The following PCDHA3 variants were observed in gnomAD, a reference collection of about 807,000 sequenced individuals.
The protein encoded by PCDHA3 is protocadherin alpha 3.
In PCDHA3, 41 loss-of-function variants were observed where a neutral mutation model predicts 62.2. The observed-to-expected ratio is 0.66, with a 90% CI of 0.51 to 0.86. PCDHA3 has a LOEUF of 0.86. PCDHA3 is among the 40% of genes least tolerant of loss of function. The probability of loss-of-function intolerance (pLI) is 0.00; values close to 1 mark genes in which losing one functional copy is unlikely to be tolerated. For synonymous variants in PCDHA3, 640 were observed against 555.4 expected, an observed-to-expected ratio of 1.15 and a Z score of -2.14; for missense variants, 1,304 against 1,241.2, an observed-to-expected ratio of 1.05 and a Z score of -0.76.
chr5:140,830,936 T>C (rs1771298831), intron 1 of PCDHA3: 1 of 152,346 alleles, frequency 6.6e-6, no homozygotes, highest in South Asian at 2.1e-4. Context: ...TGTCGACACT[T>C]TTATTAAGCT....
intron 1 of PCDHA3, 106 bp downstream of exon 1, chr5:140,803,697 C>T (rs1763265510): frequency 1.3e-6 from 2 of 1,533,220 alleles, no homozygotes; most frequent in African/African-American, 2.8e-5. Flanking sequence ...TTATGTGATT[C>T]ATAATTAGAC....
chr5:140,807,062 G>A, intron 1 of PCDHA3: 1 of 1,115,782 alleles, frequency 9.0e-7, no homozygotes, highest in Non-Finnish European at 1.3e-6. Flanking sequence ...CTTACTGGAA[G>A]GAACCATATA....
intron 1 of PCDHA3, chr5:140,828,310 C>A (rs2150153849): frequency 1.9e-5 from 31 of 1,614,056 alleles, no homozygotes; most frequent in South Asian, 6.6e-5. Flanking sequence ...ACCGCGAGGA[C>A]CTTCTGGAGG....
intron 1 of PCDHA3, chr5:140,817,435 G>C (rs1554127267): frequency 6.6e-6 from 1 of 152,150 alleles, no homozygotes; most frequent in East Asian, 1.9e-4. Flanking sequence ...GGAGGGTCTG[G>C]GGATTCCTAT....
rs2098419589 is a variant in PCDHA3 at position 141,011,142 on chromosome 5, C to A, written c.*1205C>A. 1 of 153,660 alleles carries A rather than the reference C, an allele frequency of 6.5e-6. No individual in the cohort carries two copies. The highest frequency in any genetic ancestry group is 2.1e-4 in the South Asian group (1 of 4,820). 9.5% of individuals were successfully genotyped at this position (153,660 alleles called of 1,614,324 possible). On this transcript the variant is annotated 3_prime_UTR_variant, in exon 4 of 4. Transcript: ENST00000522353. ...CAATTATGTGCACTTTGATACACAA[C>A]CTTCTCTAACCAACTATATATCAAG...
chr5:140,872,356 G>C (rs2053615726), intron 1 of PCDHA3, among the ~76,000 whole-genome samples: 1 of 152,160 alleles, frequency 6.6e-6, no homozygotes, highest in African/African-American at 2.4e-5. Flanking sequence ...GCCAGGCAAA[G>C]TGGTTCAGGC....
At chr5:140,854,190 A>G (rs2043033379) in intron 1 of PCDHA3, 1 of 648,948 alleles carries the variant, frequency 1.5e-6, no homozygotes, top group Non-Finnish European at 1.9e-6. Context: ...TAGTTTAACT[A>G]CTCCCTACTT....
In PCDHA3 at chr5:140,824,269, A is replaced by C. The variant is rs2150133814; in HGVS notation, c.2394+20678A>C. On this transcript the variant is annotated intron_variant, in intron 1 of 3. Coordinates refer to ENST00000522353, the MANE Select transcript of PCDHA3 (RefSeq NM_018906.3). ...ACACAATTATTGCACTAATTCATGTATTATATGCTTTTTATGAGGCTTTTC... is the reference window on the plus strand; with the variant it reads ...ACACAATTATTGCACTAATTCATGTCTTATATGCTTTTTATGAGGCTTTTC... 2.5e-6 allele frequency: 3 copies of C among 1,222,710 alleles called. No individual in the cohort carries two copies. The South Asian group carries it at 4.2e-5, about 17-fold the overall frequency. The allele number at this position is 1,222,710 out of a possible 1,614,324, so 75.7% of individuals were successfully genotyped here.
At chr5:140,818,063 C>A (rs1766273892) in intron 1 of PCDHA3, among the ~76,000 whole-genome samples, 1 of 152,130 alleles carries the variant, frequency 6.6e-6, no homozygotes, top group Admixed American at 6.6e-5. Context: ...TTTAATCTCG[C>A]TTGCAGTTTT....
rs2150248878 is a variant in PCDHA3 at position 140,835,949 on chromosome 5, G to A, written c.2394+32358G>A. The A allele has an allele frequency of 3.1e-6, 5 of 1,612,866 alleles. No individual in the cohort carries two copies. In the South Asian group the frequency reaches 3.3e-5, roughly 11 times the overall value. On this transcript the variant is annotated intron_variant, in intron 1 of 3. Coordinates refer to ENST00000522353, the MANE Select transcript of PCDHA3 (RefSeq NM_018906.3). ...GCGGCAAGGTGTACGCGCTGCAGCCGTTGGACCACGAGGAGCTGGAGCTGT... is the reference window on the plus strand; with the variant it reads ...GCGGCAAGGTGTACGCGCTGCAGCCATTGGACCACGAGGAGCTGGAGCTGT...
chr5:140,987,858 T>C (rs1203158352), intron 3 of PCDHA3, among the ~76,000 whole-genome samples: 1 of 152,142 alleles, frequency 6.6e-6, no homozygotes, highest in African/African-American at 2.4e-5. Context: ...CCACATCTCT[T>C]TACTCTGTGG....
At chr5:140,982,650 CTCTTTT>C (rs2096993978) in intron 3 of PCDHA3, 87 bp downstream of exon 3, 1 of 1,507,000 alleles carries the variant, frequency 6.6e-7, no homozygotes, top group South Asian at 1.3e-5. Context: ...ATGTTGATGG[CTCTTTT>C]TCTTTTATAT....
chr5:140,968,727 G>A, intron 1 of PCDHA3: 1 of 1,614,162 alleles, frequency 6.2e-7, no homozygotes, highest in Admixed American at 1.7e-5. Context: ...GAGAGTGGTA[G>A]CACTTTCAAC....
intron 1 of PCDHA3, among the ~76,000 whole-genome samples, chr5:140,941,214 C>CCTTTCTTTCTTCCTTTCTTTCTTT (rs2092876516): frequency 2.3e-4 from 28 of 122,490 alleles, no homozygotes; most frequent in Middle Eastern, 4.2e-3. Context: ...TTTCTTTCTT[C>CCTTTCTTTCTTCCTTTCTTTCTTT]CTTTCTTTCT....
At chr5:140,871,658 C>G in intron 1 of PCDHA3, 2 of 1,224,216 alleles carry the variant, frequency 1.6e-6, no homozygotes, top group Non-Finnish European at 2.2e-6. Context: ...TGATACACAT[C>G]TTCAGTCTTT....
At chr5:140,984,945 C>A (rs1316955910) in intron 3 of PCDHA3, among the ~76,000 whole-genome samples, 1 of 149,212 alleles carries the variant, frequency 6.7e-6, no homozygotes, top group Non-Finnish European at 1.5e-5. Flanking sequence ...AATGTCTAAT[C>A]TTTTTTTTTT....
chr5:140,825,138 T>C (rs1371793732), intron 1 of PCDHA3: 3 of 151,814 alleles, frequency 2.0e-5, no homozygotes, highest in Admixed American at 1.3e-4. Flanking sequence ...AAAAAACATA[T>C]GAGTATTGAT....
intron 1 of PCDHA3, among the ~76,000 whole-genome samples, chr5:140,893,446 A>C (rs1305001651): frequency 6.6e-6 from 1 of 152,132 alleles, no homozygotes; most frequent in Non-Finnish European, 1.5e-5. Flanking sequence ...TGAAGCCAGG[A>C]GTTCAAGACC....
intron 3 of PCDHA3, among the ~76,000 whole-genome samples, chr5:140,999,060 G>A (rs1199782818): frequency 1.3e-5 from 2 of 152,210 alleles, no homozygotes; most frequent in East Asian, 1.9e-4. Context: ...CCATGCCTAA[G>A]TAGTCTCCTT....
Sources: allele counts gnomAD v4.1 joint callset (sites outside exome capture counted in the v4.1 genomes callset), GRCh38; gene constraint gnomAD v4.1.1; transcripts MANE v1.5; gene names NCBI Gene and HGNC (gene_info 2026-07-23, HGNC 2026-07-21).